SOX5: variants seen among roughly 807,000 people sequenced by gnomAD.
SOX5 encodes the protein SRY-box transcription factor 5, also known as transcription factor SOX-5.
SOX5 carries 9 observed loss-of-function variants against 92.0 expected under a neutral mutation model. That is an observed-to-expected ratio of 0.10 (90% CI 0.06 to 0.17). The LOEUF (loss-of-function observed/expected upper bound fraction) is 0.17. Among genes scored for constraint, SOX5 ranks in the 10% least tolerant of loss-of-function variants. SOX5 has a pLI of 1.00. For missense variants in SOX5, 642 were observed against 944.5 expected, an observed-to-expected ratio of 0.68 and a Z score of 4.20; for synonymous variants, 344 against 336.3, an observed-to-expected ratio of 1.02 and a Z score of -0.25.
In SOX5 at chr12:24,374,106, G is replaced by C. The variant is rs547738239; in HGVS notation, c.-250-5467C>G. Reference sequence around the variant, plus strand: ...AGGGAGGAAGAAGAGAGAATATTGGGCAAAGAAAGAGGTAGAAGAGGGATG... The same window carrying C: ...AGGGAGGAAGAAGAGAGAATATTGGCCAAAGAAAGAGGTAGAAGAGGGATG... On this transcript the variant is annotated intron_variant, in intron 1 of 4. Transcript: ENST00000446891. Among the ~76,000 whole-genome samples the C allele has an allele frequency of 1.2e-4, 19 of 152,314 alleles. No individual in the cohort carries two copies. The South Asian group carries it at 3.7e-3, about 30-fold the overall frequency.
intron 4 of SOX5, among the ~76,000 whole-genome samples, chr12:24,056,742 G>A (rs1216939304): frequency 2.0e-5 from 3 of 151,634 alleles, no homozygotes; most frequent in Non-Finnish European, 2.9e-5. Flanking sequence ...TTGGGAGGCC[G>A]AGGCGGGCGG....
Position 24,393,315 on chromosome 12 carries a change from A to G in SOX5, c.-250-24676T>C, listed in dbSNP as rs1407701795. On this transcript the variant is annotated intron_variant, in intron 1 of 4. Transcript: ENST00000446891. This position sits in a 1 kb window ranked among gnomAD's most constrained non-coding sequence, Gnocchi z 5.0. ...TGCACGGCATTTACCTTCTGCAGCA[A>G]CAGCTGCTGCAAAATCATGCTGCTG... Among the ~76,000 whole-genome samples, 1 of 152,194 alleles carries G rather than the reference A, an allele frequency of 6.6e-6. No individual in the cohort carries two copies. The highest frequency in any genetic ancestry group is 2.4e-5 in the African/African-American group (1 of 41,456).
intron 1 of SOX5, among the ~76,000 whole-genome samples, chr12:24,479,951 C>A (rs116484585): frequency 3.2e-3 from 489 of 152,308 alleles, no homozygotes; most frequent in African/African-American, 0.011. Context: ...AAGGCATGAG[C>A]CACTGTGCCC....
At chr12:23,926,810 C>G (rs987400850) in intron 1 of SOX5, among the ~76,000 whole-genome samples, 5 of 152,044 alleles carry the variant, frequency 3.3e-5, no homozygotes, top group African/African-American at 1.2e-4. Flanking sequence ...GGGAAAATGC[C>G]TTTGAGAAGC....
intron 3 of SOX5, among the ~76,000 whole-genome samples, chr12:24,237,524 AT>A (rs989526256): frequency 6.6e-6 from 1 of 151,150 alleles, no homozygotes; most frequent in East Asian, 2.3e-4. Flanking sequence ...CAAAAGTTTA[AT>A]TTGTAATTTC....
Position 23,802,365 on chromosome 12 carries a change from C to G in SOX5, c.481+43618G>C, listed in dbSNP as rs572803604. On this transcript the variant is annotated intron_variant, in intron 3 of 14. Transcript: ENST00000451604. ...AGAGTGCTGGGATTATAGGCGTCAG[C>G]CACTGCGCCCGGCCTTTTCTTAATT... is the stretch of plus-strand genomic sequence containing the variant. 1.6e-3 allele frequency among the ~76,000 whole-genome samples: 244 copies of G among 152,306 alleles called. 2 individuals are homozygous for G. Among genetic ancestry groups the G allele is most frequent in the African/African-American group, 5.5e-3 (228 of 41,562 alleles).
intron 2 of SOX5, among the ~76,000 whole-genome samples, chr12:24,340,355 C>T (rs1304106936): frequency 6.6e-6 from 1 of 152,194 alleles, no homozygotes; most frequent in Non-Finnish European, 1.5e-5. Flanking sequence ...CTCAACATGA[C>T]AATAGTATGT....
At chr12:24,287,258 A>G (rs1317431286) in intron 2 of SOX5, among the ~76,000 whole-genome samples, 2 of 152,252 alleles carry the variant, frequency 1.3e-5, no homozygotes, top group Admixed American at 1.3e-4. Flanking sequence ...TTTTTAGTTA[A>G]TAAAACACAT....
chr12:24,235,315 T>A (rs1250056107), intron 3 of SOX5, among the ~76,000 whole-genome samples: 1 of 152,224 alleles, frequency 6.6e-6, no homozygotes, highest in Non-Finnish European at 1.5e-5. Flanking sequence ...TTGGTTCATA[T>A]CTATTCAATT....
intron 4 of SOX5, among the ~76,000 whole-genome samples, chr12:24,136,034 A>G (rs973302188): frequency 2.0e-5 from 3 of 152,220 alleles, no homozygotes; most frequent in African/African-American, 7.2e-5. Flanking sequence ...AGGGATCGGC[A>G]AGATAGAAGT....
At chr12:23,663,843 T>C (rs2083404532) in intron 7 of SOX5, among the ~76,000 whole-genome samples, 1 of 152,070 alleles carries the variant, frequency 6.6e-6, no homozygotes, top group South Asian at 2.1e-4. Flanking sequence ...TAGTATTTAA[T>C]TATTAAAAAA....
intron 1 of SOX5, among the ~76,000 whole-genome samples, chr12:24,398,024 G>A (rs1960500733): frequency 6.6e-6 from 1 of 151,800 alleles, no homozygotes. Context: ...TAATTTTTTT[G>A]TATTTTTAGT....
chr12:24,269,752 C>T (rs1748976917), intron 3 of SOX5, among the ~76,000 whole-genome samples: 1 of 138,862 alleles, frequency 7.2e-6, no homozygotes, highest in Admixed American at 7.7e-5. Flanking sequence ...GAATGCAGCT[C>T]ACTACAGCCT....
intron 5 of SOX5, among the ~76,000 whole-genome samples, chr12:23,740,070 C>T (rs2093741608): frequency 6.6e-6 from 1 of 152,134 alleles, no homozygotes; most frequent in African/African-American, 2.4e-5. Flanking sequence ...GTTATCTCCT[C>T]CAGTAGAGTT....
At chr12:24,114,251 A>T (rs1012866532) in intron 4 of SOX5, among the ~76,000 whole-genome samples, 1 of 152,082 alleles carries the variant, frequency 6.6e-6, no homozygotes, top group Non-Finnish European at 1.5e-5. Flanking sequence ...AGGGAAGAAA[A>T]TTTTTTTAAA....
At chr12:24,199,588 G>A (rs1166938427) in intron 4 of SOX5, among the ~76,000 whole-genome samples, 1 of 152,156 alleles carries the variant, frequency 6.6e-6, no homozygotes, top group Non-Finnish European at 1.5e-5. Flanking sequence ...AGATTGTGCT[G>A]GGTAGAAATA....
Position 23,530,525 on chromosome 12 carries a change from T to C in SOX5, c.*3694A>G, listed in dbSNP as rs1259390255. 1 of 152,206 alleles carries C rather than the reference T, an allele frequency of 6.6e-6. No individual in the cohort carries two copies. The highest frequency in any genetic ancestry group is 1.5e-5 in the Non-Finnish European group (1 of 68,036). The allele number at this position is 152,206 out of a possible 1,614,324, so 9.4% of individuals were successfully genotyped here. A position where few individuals can be genotyped will look rare whatever the true frequency, so the allele number is the denominator to read the frequency against. On this transcript the variant is annotated 3_prime_UTR_variant, in exon 15 of 15. Transcript: ENST00000451604. ...ATTATGTTCTTTGGGAGGGATTTTA[T>C]ACATGGTTAACTCTTAACTGCAGAT...
chr12:23,677,337 TAA>T, intron 6 of SOX5, among the ~76,000 whole-genome samples: 1 of 152,270 alleles, frequency 6.6e-6, no homozygotes, highest in South Asian at 2.1e-4. Flanking sequence ...TTCTTTAAGA[TAA>T]AAAACAAACG....
chr12:24,056,059 G>A (rs753311716), intron 4 of SOX5, among the ~76,000 whole-genome samples: 3 of 152,162 alleles, frequency 2.0e-5, no homozygotes, highest in Non-Finnish European at 2.9e-5. Flanking sequence ...AAACATCGTT[G>A]TGCCATGACC....
Sources: gnomAD v4.1 joint callset for allele counts (sites outside exome capture counted in the v4.1 genomes callset) on GRCh38, gnomAD v4.1.1 for gene constraint, Gnocchi (gnomAD v3.1) non-coding constraint, MANE v1.5 for transcripts, NCBI Gene and HGNC (gene_info 2026-07-23, HGNC 2026-07-21) for gene names.